The following CAMK2G variants were observed in gnomAD, a reference collection of about 807,000 sequenced individuals.
CAMK2G encodes the protein calcium/calmodulin-dependent protein kinase type II subunit gamma.
Under a neutral mutation model 88.7 loss-of-function variants are expected in CAMK2G, and 23 were observed. The observed-to-expected ratio is 0.26, with a 90% CI of 0.19 to 0.37. CAMK2G has a LOEUF of 0.37. CAMK2G is among the 10% of genes least tolerant of loss of function. CAMK2G has a pLI of 1.00. For synonymous variants in CAMK2G, 263 were observed against 294.8 expected, an observed-to-expected ratio of 0.89 and a Z score of 1.11; for missense variants, 476 against 780.8, an observed-to-expected ratio of 0.61 and a Z score of 4.65.
chr10:73,833,636 C>T (rs1234289162), intron 14 of CAMK2G, among the ~76,000 whole-genome samples: 1 of 151,434 alleles, frequency 6.6e-6, no homozygotes, highest in Non-Finnish European at 1.5e-5. Flanking sequence ...TGCTCTGTCC[C>T]CCAGGCTGGA....
chr10:73,823,050 T>C (rs1475023190), intron 17 of CAMK2G, among the ~76,000 whole-genome samples: 1 of 150,866 alleles, frequency 6.6e-6, no homozygotes, highest in African/African-American at 2.4e-5. Flanking sequence ...TTAGTAGAGA[T>C]GGGGTTTTGC....
At chr10:73,855,066 G>C (rs948349860) in intron 3 of CAMK2G, among the ~76,000 whole-genome samples, 2 of 152,128 alleles carry the variant, frequency 1.3e-5, no homozygotes, top group Admixed American at 1.3e-4. Flanking sequence ...GCAGATGACA[G>C]AGGGGGCTTT....
intron 3 of CAMK2G, among the ~76,000 whole-genome samples, chr10:73,860,340 A>AG (rs964592701): frequency 2.0e-5 from 3 of 152,100 alleles, no homozygotes; most frequent in Admixed American, 2.0e-4. Flanking sequence ...GGAGCCAGGC[A>AG]GGGGGGCAGC....
intron 4 of CAMK2G, 58 bp from the exon 5 acceptor site, chr10:73,852,377 A>G (rs1039235126): frequency 2.2e-6 from 3 of 1,389,426 alleles, no homozygotes; most frequent in South Asian, 1.2e-5. Context: ...TCCAACCCCA[A>G]TGTCCAAGAA....
intron 15 of CAMK2G, among the ~76,000 whole-genome samples, chr10:73,825,964 A>C (rs1392696868): frequency 6.6e-6 from 1 of 152,170 alleles, no homozygotes; most frequent in Non-Finnish European, 1.5e-5. Flanking sequence ...TTTTTGTCTG[A>C]CAAATCTTAG....
At chr10:73,831,759 C>T (rs532792322) in intron 14 of CAMK2G, among the ~76,000 whole-genome samples, 100 of 151,698 alleles carry the variant, frequency 6.6e-4, no homozygotes, top group African/African-American at 2.3e-3. Flanking sequence ...ACTCAGGAGG[C>T]TGAGGTGGAA....
At chr10:73,850,170 AT>A (rs1272277876) in intron 5 of CAMK2G, among the ~76,000 whole-genome samples, 2 of 151,762 alleles carry the variant, frequency 1.3e-5, no homozygotes, top group Admixed American at 6.6e-5. Flanking sequence ...TAATTTTTGT[AT>A]TTTTTTGTGG....
rs1235756407 is a variant in CAMK2G, at chr10:73,819,642, G to A, written c.1253C>T (p.Ala418Val). The A allele has an allele frequency of 1.3e-6, 2 of 1,538,310 alleles. No homozygotes were observed. The highest frequency in any genetic ancestry group is 2.0e-5 in the Admixed American group (1 of 50,866). ...TTTEDEDLKA[A>V]PLRTGNGSSV... ...GCTGCCATTCCCAGTGCGGAGCGGG[G>A]CAGCTAGCCAGCCAGGGCAGGGCAG... The change falls in exon 19 of 23, where the codon GCC (alanine) becomes GTC (valine). Residue 418 changes from alanine (A) to valine (V), a missense_variant. This residue lies in a region of CAMK2G where 278 missense variants were observed against 366.5 expected (regional missense o/e 0.76). Coordinates refer to ENST00000423381, the MANE Select transcript of CAMK2G (RefSeq NM_001367534.1).
intron 18 of CAMK2G, among the ~76,000 whole-genome samples, chr10:73,820,485 TATATATA>T (rs149518636): frequency 3.2e-4 from 11 of 34,894 alleles, no homozygotes; most frequent in African/African-American, 1.6e-3. Flanking sequence ...TATATATATA[TATATATA>T]TTTTTTTTTT....
Position 73,842,137 on chromosome 10 carries a change from C to T in CAMK2G, c.946+32G>A. ...CCCATTCCTGATCCACTCACCTCGGCATAATCAAAGTACACAGCTGGGAAA... is the reference window on the plus strand; with the variant it reads ...CCCATTCCTGATCCACTCACCTCGGTATAATCAAAGTACACAGCTGGGAAA... On this transcript the variant is annotated intron_variant, in intron 12 of 22. Transcript: ENST00000423381. This position sits in a 1 kb window ranked among gnomAD's most constrained non-coding sequence, Gnocchi z 4.6. 6.3e-7 allele frequency: 1 copy of T among 1,587,918 alleles called. No individual in the cohort carries two copies. Among genetic ancestry groups the T allele is most frequent in the Non-Finnish European group, 8.7e-7 (1 of 1,156,038 alleles).
At chr10:73,862,554 T>C (rs1206758856) in intron 2 of CAMK2G, among the ~76,000 whole-genome samples, 2 of 152,156 alleles carry the variant, frequency 1.3e-5, no homozygotes, top group African/African-American at 4.8e-5. Flanking sequence ...AGAAACTCTG[T>C]GAAGTAGGGA....
At chr10:73,815,826 G>C (rs186652160) in intron 21 of CAMK2G, 1 of 985,478 alleles carries the variant, frequency 1.0e-6, no homozygotes, top group Non-Finnish European at 1.2e-6. Context: ...AGGATTCTCT[G>C]GGGAAAAGGC....
intron 17 of CAMK2G, among the ~76,000 whole-genome samples, chr10:73,821,970 CT>C (rs2089006813): frequency 6.6e-6 from 1 of 152,200 alleles, no homozygotes; most frequent in Non-Finnish European, 1.5e-5. Context: ...CTCAATCCTT[CT>C]CTTTCTCTTT....
Position 73,839,473 on chromosome 10 carries a change from G to A in CAMK2G, c.1009+66C>T. On this transcript the variant is annotated intron_variant, in intron 13 of 22. Transcript: ENST00000423381. The surrounding 1 kb of genome is among the most constrained non-coding windows in gnomAD (Gnocchi z 4.2). ...CCTCCCTGGTGAGTGGGCCCGGCAT[G>A]CTGGCCCTCCTGGTGGGGTGGCAGG... is the stretch of plus-strand genomic sequence containing the variant. The A allele has an allele frequency of 1.1e-6, 1 of 930,908 alleles. No individual in the cohort carries two copies. Among genetic ancestry groups the A allele is most frequent in the Non-Finnish European group, 1.4e-6 (1 of 712,158 alleles). 57.7% of individuals were successfully genotyped at this position (930,908 alleles called of 1,614,324 possible). A position where few individuals can be genotyped will look rare whatever the true frequency, so the allele number is the denominator to read the frequency against.
At chr10:73,850,081 G>C (rs1229291192) in intron 5 of CAMK2G, among the ~76,000 whole-genome samples, 1 of 152,138 alleles carries the variant, frequency 6.6e-6, no homozygotes, top group African/African-American at 2.4e-5. Flanking sequence ...CCGCAGCCTT[G>C]ACCTCCTGGG....
chr10:73,836,122 C>T (rs569021929), intron 14 of CAMK2G, among the ~76,000 whole-genome samples: 37 of 152,198 alleles, frequency 2.4e-4, no homozygotes, highest in Non-Finnish European at 4.0e-4. Flanking sequence ...GAGTGAGCCA[C>T]CAAGCCTGAC....
At chr10:73,836,081 G>A (rs760793341) in intron 14 of CAMK2G, among the ~76,000 whole-genome samples, 4 of 152,080 alleles carry the variant, frequency 2.6e-5, no homozygotes, top group African/African-American at 4.8e-5. Context: ...TGATCCACCC[G>A]CCTTAGCCTC....
intron 13 of CAMK2G, among the ~76,000 whole-genome samples, chr10:73,838,235 C>T (rs927584480): frequency 6.6e-6 from 1 of 152,176 alleles, no homozygotes; most frequent in African/African-American, 2.4e-5. Context: ...CAGCTGGCCA[C>T]AAAAGGCCAC....
rs1287152694 is a variant in CAMK2G, at chr10:73,874,380, C to A, written c.65+17G>T. 2 of 1,472,996 alleles carry A rather than the reference C, an allele frequency of 1.4e-6. No individual in the cohort carries two copies. Among genetic ancestry groups the A allele is most frequent in the South Asian group, 2.6e-5 (2 of 75,980 alleles). The allele number at this position is 1,472,996 out of a possible 1,614,324, so 91.2% of individuals were successfully genotyped here. A position where few individuals can be genotyped will look rare whatever the true frequency, so the allele number is the denominator to read the frequency against. ...GGGCGGCAGGGCAGGCAGGGGACCG[C>A]GGCGGGCGGGCCGTACTTGCCAAGC... On this transcript the variant is annotated intron_variant, in intron 1 of 22. Transcript: ENST00000423381.
Sources: allele counts gnomAD v4.1 joint callset (sites outside exome capture counted in the v4.1 genomes callset), GRCh38; gene constraint gnomAD v4.1.1; regional missense constraint gnomAD v4.1.1; non-coding constraint Gnocchi (gnomAD v3.1); transcripts MANE v1.5; gene names NCBI Gene and HGNC (gene_info 2026-07-23, HGNC 2026-07-21).